The following PLXNA4 variants were observed in gnomAD, a reference collection of about 807,000 sequenced individuals.
The protein encoded by PLXNA4 is plexin-A4.
Under a neutral mutation model 191.8 loss-of-function variants are expected in PLXNA4, and 44 were observed. The ratio of observed to expected loss-of-function variants is 0.23; its 90% CI spans 0.18 to 0.29. The LOEUF (loss-of-function observed/expected upper bound fraction) is 0.29, where lower values mean the gene tolerates loss of function less well. PLXNA4 is among the 10% of genes least tolerant of loss of function. PLXNA4 has a pLI of 1.00. For synonymous variants in PLXNA4, 1,082 were observed against 1,009.5 expected (o/e 1.07, Z -1.36); for missense variants, 1,800 against 2,488.8 (o/e 0.72, Z 5.89).
chr7:132,529,607 C>CTTTTT (rs35449894), intron 1 of PLXNA4, among the ~76,000 whole-genome samples: 15 of 136,152 alleles, frequency 1.1e-4, no homozygotes, highest in African/African-American at 2.5e-4. Context: ...AATAGGTATT[C>CTTTTT]TTTTTTTTTT....
At chr7:132,520,863 C>T (rs919749238) in intron 1 of PLXNA4, among the ~76,000 whole-genome samples, 7 of 152,088 alleles carry the variant, frequency 4.6e-5, no homozygotes, top group Non-Finnish European at 8.8e-5. Context: ...CAAACATTGG[C>T]ACTGTGGGGG....
chr7:132,127,075 C>CTACT lies in PLXNA4; in HGVS notation c.*3400_*3403dup, dbSNP rs1303233348. The stretch of plus-strand genomic sequence containing the variant: ...CTACCACTCTGTTTCTTGTCTTCCT[C>CTACT]TACTTATTCCTTAAAATTTAGGACC... On this transcript the variant is annotated 3_prime_UTR_variant, in exon 32 of 32. Coordinates refer to ENST00000321063, the MANE Select transcript of PLXNA4 (RefSeq NM_020911.2). 1.3e-5 allele frequency: 2 copies of CTACT among 152,168 alleles called. No individual in the cohort carries two copies. The highest frequency in any genetic ancestry group is 4.8e-5 in the African/African-American group (2 of 41,428). The allele number at this position is 152,168 out of a possible 1,614,324, so 9.4% of individuals were successfully genotyped here.
At chr7:132,212,213 T>C (rs1379453941) in intron 9 of PLXNA4, among the ~76,000 whole-genome samples, 3 of 152,138 alleles carry the variant, frequency 2.0e-5, no homozygotes, top group Non-Finnish European at 4.4e-5. Context: ...TTCTTTCTGA[T>C]GGTGCTTTGT....
chr7:132,162,058 C>T (rs775156429), intron 24 of PLXNA4, among the ~76,000 whole-genome samples: 2 of 152,306 alleles, frequency 1.3e-5, no homozygotes, highest in African/African-American at 2.4e-5. Flanking sequence ...AGAGCCTCTC[C>T]GTGGTTCTCT....
chr7:132,546,239 G>T (rs184437902), intron 1 of PLXNA4, among the ~76,000 whole-genome samples: 1 of 152,308 alleles, frequency 6.6e-6, no homozygotes, highest in East Asian at 1.9e-4. Context: ...GGGCTAGGAT[G>T]TGGAAATGCA....
At chr7:132,323,258 C>A (rs899352157) in intron 3 of PLXNA4, among the ~76,000 whole-genome samples, 1 of 152,198 alleles carries the variant, frequency 6.6e-6, no homozygotes, top group Admixed American at 6.5e-5. Context: ...CAGACAGATG[C>A]CCTGGTGGGC....
intron 3 of PLXNA4, among the ~76,000 whole-genome samples, chr7:132,298,954 C>T (rs537210405): frequency 1.3e-5 from 2 of 152,338 alleles, no homozygotes; most frequent in Admixed American, 1.3e-4. Context: ...AGCATAGAGA[C>T]AATGGAAAGA....
intron 3 of PLXNA4, among the ~76,000 whole-genome samples, chr7:132,305,192 G>A (rs532330239): frequency 6.6e-6 from 1 of 152,100 alleles, no homozygotes; most frequent in Admixed American, 6.6e-5. Context: ...ATCTGGGGCT[G>A]GGGGCAGCAA....
intron 13 of PLXNA4, 71 bp from the exon 14 acceptor site, chr7:132,194,250 T>C: frequency 6.6e-7 from 1 of 1,524,592 alleles, no homozygotes. Flanking sequence ...CCACAGCACC[T>C]ACCCAGGTCC....
At chr7:132,441,523 C>T (rs528033921) in intron 3 of PLXNA4, among the ~76,000 whole-genome samples, 11 of 152,172 alleles carry the variant, frequency 7.2e-5, no homozygotes, top group African/African-American at 2.7e-4. Context: ...GAGCACGTTG[C>T]GCTCCGAAGC....
At chr7:132,373,960 AG>A (rs1250319663) in intron 3 of PLXNA4, among the ~76,000 whole-genome samples, 3 of 152,162 alleles carry the variant, frequency 2.0e-5, no homozygotes, top group Non-Finnish European at 4.4e-5. Context: ...TTCCAACCTG[AG>A]GCTCAGGTGG....
At chr7:132,396,955 C>A (rs1044864921) in intron 3 of PLXNA4, among the ~76,000 whole-genome samples, 9 of 152,262 alleles carry the variant, frequency 5.9e-5, no homozygotes, top group Non-Finnish European at 1.2e-4. Flanking sequence ...CCCTGCCCCA[C>A]ACCTGCCTGG....
chr7:132,223,591 C>T lies in PLXNA4; in HGVS notation c.2033G>A (p.Arg678Gln), dbSNP rs761601320. Reference protein sequence around the residue: ...SPYRCHWCKYRHVCTHDPKTC... With the variant: ...SPYRCHWCKYQHVCTHDPKTC... Reference sequence around the variant, plus strand: ...CTTGGGGTCATGGGTGCAGACATGCCGGTATTTACACCAGTGGCAGCGGTA... The same window carrying T: ...CTTGGGGTCATGGGTGCAGACATGCTGGTATTTACACCAGTGGCAGCGGTA... The change falls in exon 9 of 32, where the codon CGG becomes CAG. Residue 678 changes from arginine to glutamine, a missense_variant. Arg to Gln is a conservative substitution (Grantham distance 43, BLOSUM62 1). Coordinates refer to ENST00000321063, the MANE Select transcript of PLXNA4 (RefSeq NM_020911.2). 1.6e-5 allele frequency: 26 copies of T among 1,613,718 alleles called. No homozygotes were observed. The highest frequency in any genetic ancestry group is 4.0e-5 in the African/African-American group (3 of 74,860).
At chr7:132,509,280 G>A (rs1798614880) in intron 1 of PLXNA4, among the ~76,000 whole-genome samples, 1 of 152,108 alleles carries the variant, frequency 6.6e-6, no homozygotes, top group Non-Finnish European at 1.5e-5. Context: ...CCGTCTCCAG[G>A]CTCTGTGAAC....
At chr7:132,489,546 C>A (rs1049824046) in intron 2 of PLXNA4, 72 bp from the exon 3 acceptor site, 59 of 1,283,658 alleles carry the variant, frequency 4.6e-5, no homozygotes, top group Admixed American at 2.3e-4. Flanking sequence ...AGTCAGGAAA[C>A]TATGGAGGTA....
At chr7:132,616,270 TG>T (rs1803156180) in intron 2 of PLXNA4, among the ~76,000 whole-genome samples, 1 of 152,142 alleles carries the variant, frequency 6.6e-6, no homozygotes, top group South Asian at 2.1e-4. Context: ...GAGGAGAAAA[TG>T]TATTCAGCTT....
chr7:132,500,399 C>T (rs777536234), intron 2 of PLXNA4, among the ~76,000 whole-genome samples: 2 of 151,690 alleles, frequency 1.3e-5, no homozygotes, highest in Admixed American at 6.6e-5. Context: ...GCCAAGATCG[C>T]GCCATTGCAC....
rs564331104 is a variant in PLXNA4, at chr7:132,454,594, A to G, written c.1371+34698T>C. Among the ~76,000 whole-genome samples, 189 of 152,160 alleles carry G rather than the reference A, an allele frequency of 1.2e-3. 1 individual carries two copies. Among genetic ancestry groups the G allele is most frequent in the African/African-American group, 4.4e-3 (183 of 41,530 alleles). On this transcript the variant is annotated intron_variant, in intron 3 of 31. Transcript: ENST00000321063. ...CCACAAATTCATATGTTGAAGTCCC[A>G]ACCCCCAGTACCTCTGAATGTGACT...
At position 132,405,080 on chromosome 7, in the gene PLXNA4, G is replaced by GTGTA. The variant is rs752258529; in HGVS notation, c.1371+84211_1371+84212insTACA. On this transcript the variant is annotated intron_variant, in intron 3 of 31. Coordinates refer to ENST00000321063, the MANE Select transcript of PLXNA4 (RefSeq NM_020911.2). The stretch of plus-strand genomic sequence containing the variant: ...GGTATGTGTGTGTGTGTATGTGTGT[G>GTGTA]TGTGTGTGTGTGCATGTATGCATGT... Among the ~76,000 whole-genome samples the GTGTA allele has an allele frequency of 2.0e-5, 3 of 151,374 alleles. No individual in the cohort carries two copies. In the South Asian group the frequency reaches 6.3e-4, roughly 32 times the overall value.
Sources: allele counts gnomAD v4.1 joint callset (sites outside exome capture counted in the v4.1 genomes callset), GRCh38; gene constraint gnomAD v4.1.1; transcripts MANE v1.5; gene names NCBI Gene and HGNC (gene_info 2026-07-23, HGNC 2026-07-21).